BTRC: variants seen among roughly 807,000 people sequenced by gnomAD.
The protein encoded by BTRC is beta-transducin repeat containing E3 ubiquitin protein ligase, also known as F-box/WD repeat-containing protein 1A.
BTRC carries 42 observed loss-of-function variants against 85.5 expected under a neutral mutation model. That is an observed-to-expected ratio of 0.49 (90% CI 0.38 to 0.64). The LOEUF is 0.64. BTRC is among the 30% of genes least tolerant of loss of function. BTRC has a pLI of 0.00. For synonymous variants in BTRC, 255 were observed against 263.3 expected (o/e 0.97, Z 0.30); for missense variants, 594 against 743.5 (o/e 0.80, Z 2.34).
rs1181021394 is a variant in BTRC at position 101,556,668 on chromosome 10, G to A, written c.*3545G>A. 6.6e-6 allele frequency: 1 copy of A among 152,238 alleles called. No individual in the cohort carries two copies. Among genetic ancestry groups the A allele is most frequent in the African/African-American group, 2.4e-5 (1 of 41,466 alleles). 9.4% of individuals were successfully genotyped at this position (152,238 alleles called of 1,614,324 possible). On this transcript the variant is annotated 3_prime_UTR_variant, in exon 15 of 15. Coordinates refer to ENST00000370187, the MANE Select transcript of BTRC (RefSeq NM_033637.4). Reference sequence around the variant, plus strand: ...GTTTCGCTTCTTTAGCTCATCTGTGGTGTCAGAATCCTTGGAGCTGAAGAG... The same window carrying A: ...GTTTCGCTTCTTTAGCTCATCTGTGATGTCAGAATCCTTGGAGCTGAAGAG...
At chr10:101,485,543 A>G (rs1020527302) in intron 4 of BTRC, among the ~76,000 whole-genome samples, 1 of 152,258 alleles carries the variant, frequency 6.6e-6, no homozygotes, top group Non-Finnish European at 1.5e-5. Context: ...AAGCCATTCC[A>G]AGGCAGTTTT....
At chr10:101,510,194 A>G (rs944634159) in intron 4 of BTRC, among the ~76,000 whole-genome samples, 2 of 150,072 alleles carry the variant, frequency 1.3e-5, no homozygotes, top group African/African-American at 4.9e-5. Flanking sequence ...AAGGAAAATA[A>G]TCGGAAAAAG....
chr10:101,504,310 T>C (rs1485417743), intron 4 of BTRC, among the ~76,000 whole-genome samples: 1 of 152,206 alleles, frequency 6.6e-6, no homozygotes, highest in African/African-American at 2.4e-5. Flanking sequence ...TGGGAGAGGA[T>C]GTTTGTCCAA....
At chr10:101,364,902 G>C (rs1942320769) in intron 1 of BTRC, 2 of 150,874 alleles carry the variant, frequency 1.3e-5, no homozygotes, top group Admixed American at 6.6e-5. Context: ...GGAGTGGACG[G>C]AGCAAGCTCC....
chr10:101,504,732 C>T lies in BTRC; in HGVS notation c.325-16907C>T, dbSNP rs1946476028. Among the ~76,000 whole-genome samples the T allele has an allele frequency of 2.0e-5, 3 of 151,348 alleles. No individual in the cohort carries two copies. In the Admixed American group the frequency reaches 2.0e-4, roughly 10 times the overall value. ...CTCTCCCTTTGACTCTCTTTCTTTTCTCCTCTTTCCTCCCCTCCTTTCAGC... is the reference window on the plus strand; with the variant it reads ...CTCTCCCTTTGACTCTCTTTCTTTTTTCCTCTTTCCTCCCCTCCTTTCAGC... On this transcript the variant is annotated intron_variant, in intron 4 of 14. Transcript: ENST00000370187.
chr10:101,476,616 G>A (rs958331575), intron 3 of BTRC, among the ~76,000 whole-genome samples: 2 of 151,526 alleles, frequency 1.3e-5, no homozygotes, highest in Non-Finnish European at 2.9e-5. Flanking sequence ...GTGCTGCCAC[G>A]CCCAGTTAAT....
intron 4 of BTRC, among the ~76,000 whole-genome samples, chr10:101,480,866 A>T (rs1216510409): frequency 6.6e-6 from 1 of 152,204 alleles, no homozygotes; most frequent in Admixed American, 6.5e-5. Context: ...CATATTTTTC[A>T]GTCATTTAGT....
chr10:101,524,344 A>T (rs1182274771), intron 5 of BTRC, among the ~76,000 whole-genome samples: 2 of 152,190 alleles, frequency 1.3e-5, no homozygotes, highest in Non-Finnish European at 2.9e-5. Context: ...ACATGTTACT[A>T]TCTCAAGCTT....
At chr10:101,512,286 C>T (rs1226370293) in intron 4 of BTRC, among the ~76,000 whole-genome samples, 1 of 152,186 alleles carries the variant, frequency 6.6e-6, no homozygotes, top group Non-Finnish European at 1.5e-5. Context: ...TCCCCTTTCC[C>T]CCCATAGTTC....
chr10:101,383,187 C>T (rs1942981583), intron 1 of BTRC, among the ~76,000 whole-genome samples: 1 of 151,396 alleles, frequency 6.6e-6, no homozygotes, highest in African/African-American at 2.4e-5. Flanking sequence ...CCTCAGCCTC[C>T]TTAGTAGCTG....
chr10:101,534,865 T>C lies in BTRC; in HGVS notation c.1302T>C (p.Phe434=), dbSNP rs758804281. Residue 434 remains phenylalanine, a synonymous_variant, in exon 10 of 15, where the codon TTT becomes TTC. Coordinates refer to ENST00000370187, the MANE Select transcript of BTRC (RefSeq NM_033637.4). ...GHRAAVNVVD[F]DDKYIVSASG... is the part of the protein sequence containing the mutation. ...GAGCTGCTGTCAATGTTGTAGACTT[T>C]GATGACAAGTACATTGTTTCTGCAT... The C allele has an allele frequency of 6.2e-7, 1 of 1,614,144 alleles. No individual in the cohort carries two copies. Among genetic ancestry groups the C allele is most frequent in the Non-Finnish European group, 8.5e-7 (1 of 1,179,992 alleles).
At chr10:101,479,258 A>G (rs1349302362) in intron 3 of BTRC, 110 bp from the exon 4 acceptor site, 9 of 767,690 alleles carry the variant, frequency 1.2e-5, no homozygotes, top group Non-Finnish European at 1.9e-5. Context: ...CTTAACTTAT[A>G]GATAAAATCT....
intron 13 of BTRC, among the ~76,000 whole-genome samples, chr10:101,546,546 G>A (rs1417938881): frequency 6.6e-6 from 1 of 152,156 alleles, no homozygotes; most frequent in African/African-American, 2.4e-5. Context: ...TGCAGTGAAA[G>A]CAGTGCTTAG....
intron 1 of BTRC, among the ~76,000 whole-genome samples, chr10:101,390,360 C>T (rs1167537274): frequency 7.3e-6 from 1 of 136,178 alleles, no homozygotes; most frequent in Non-Finnish European, 1.6e-5. Context: ...TTTTCCGAGA[C>T]GGAGTCTCGC....
intron 1 of BTRC, among the ~76,000 whole-genome samples, chr10:101,415,792 C>T (rs1369839659): frequency 6.6e-6 from 1 of 152,116 alleles, no homozygotes; most frequent in Non-Finnish European, 1.5e-5. Context: ...CTGCCCGCCT[C>T]AGCCTCCCAA....
intron 2 of BTRC, among the ~76,000 whole-genome samples, chr10:101,444,595 A>G (rs375405784): frequency 6.6e-6 from 1 of 152,160 alleles, no homozygotes; most frequent in East Asian, 1.9e-4. Flanking sequence ...GGAACAGCCA[A>G]TGTATTTATG....
At chr10:101,371,164 CTT>C (rs35189735) in intron 1 of BTRC, among the ~76,000 whole-genome samples, 56 of 149,880 alleles carry the variant, frequency 3.7e-4, no homozygotes, top group Non-Finnish European at 6.2e-4. Context: ...AACCACTATT[CTT>C]TTTTTTTTGT....
intron 1 of BTRC, among the ~76,000 whole-genome samples, chr10:101,367,960 A>C (rs1942517629): frequency 6.6e-6 from 1 of 152,160 alleles, no homozygotes; most frequent in Non-Finnish European, 1.5e-5. Context: ...TAGGTACCTG[A>C]GAATGGAATC....
intron 1 of BTRC, among the ~76,000 whole-genome samples, chr10:101,429,835 C>T (rs1410981997): frequency 1.3e-5 from 2 of 150,206 alleles, no homozygotes; most frequent in Non-Finnish European, 1.5e-5. Flanking sequence ...CTGTCAAAGC[C>T]GTAGGGATAC....
Sources: gnomAD v4.1 joint callset for allele counts (sites outside exome capture counted in the v4.1 genomes callset) on GRCh38, gnomAD v4.1.1 for gene constraint, MANE v1.5 for transcripts, NCBI Gene and HGNC (gene_info 2026-07-23, HGNC 2026-07-21) for gene names.